MSRB3: variants seen among roughly 807,000 people sequenced by gnomAD.
MSRB3 encodes methionine sulfoxide reductase B3.
A neutral mutation model predicts 21.0 loss-of-function variants in MSRB3; 13 were observed. The observed-to-expected ratio is 0.62, with a 90% CI of 0.40 to 0.98. MSRB3 has a LOEUF of 0.98. Among genes scored for constraint, MSRB3 ranks in the 50% least tolerant of loss-of-function variants. The pLI, the probability that MSRB3 is intolerant of heterozygous loss-of-function variation, is 0.00. For synonymous variants in MSRB3, 87 were observed against 88.6 expected, an observed-to-expected ratio of 0.98 and a Z score of 0.10; for missense variants, 199 against 230.3, an observed-to-expected ratio of 0.86 and a Z score of 0.88.
intron 3 of MSRB3, among the ~76,000 whole-genome samples, chr12:65,327,975 T>C (rs1875161596): frequency 6.6e-6 from 1 of 152,252 alleles, no homozygotes; most frequent in Non-Finnish European, 1.5e-5. Context: ...ATAAAGAGGG[T>C]GAAAGGATAA....
At chr12:65,366,958 C>A (rs1396654152) in intron 4 of MSRB3, among the ~76,000 whole-genome samples, 1 of 151,944 alleles carries the variant, frequency 6.6e-6, no homozygotes, top group African/African-American at 2.4e-5. Context: ...CTCACCAATA[C>A]TTAAGGGACA....
intron 4 of MSRB3, among the ~76,000 whole-genome samples, chr12:65,351,923 A>G (rs896824632): frequency 9.2e-5 from 14 of 152,192 alleles, no homozygotes; most frequent in African/African-American, 3.4e-4. Flanking sequence ...AAACTATTCC[A>G]ATCTATAGAA....
chr12:65,308,421 C>A, intron 1 of MSRB3, 108 bp from the exon 2 acceptor site: 1 of 1,399,822 alleles, frequency 7.1e-7, no homozygotes, highest in Non-Finnish European at 9.8e-7. Context: ...GCAGTATGTG[C>A]ATGTGTTCAG....
chr12:65,328,678 G>A, intron 4 of MSRB3, 75 bp downstream of exon 4: 1 of 1,007,400 alleles, frequency 9.9e-7, no homozygotes, highest in South Asian at 1.3e-5. Context: ...TTTCATCTTA[G>A]AATCTTTCCA....
At chr12:65,365,906 C>T (rs1428058705) in intron 4 of MSRB3, among the ~76,000 whole-genome samples, 1 of 152,180 alleles carries the variant, frequency 6.6e-6, no homozygotes, top group Non-Finnish European at 1.5e-5. Flanking sequence ...GAAAGGCTCA[C>T]TCAGCCTTCT....
At position 65,445,791 on chromosome 12, in the gene MSRB3, A is replaced by C. The variant is rs1482745067; in HGVS notation, c.293-7937A>C. Among the ~76,000 whole-genome samples, 6 of 151,646 alleles carry C rather than the reference A, an allele frequency of 4.0e-5. No individual in the cohort carries two copies. The East Asian group carries it at 1.2e-3, about 30-fold the overall frequency. On this transcript the variant is annotated intron_variant, in intron 5 of 6. Coordinates refer to ENST00000308259, the MANE Select transcript of MSRB3 (RefSeq NM_001031679.3). The stretch of plus-strand genomic sequence containing the variant: ...CTCCAGGGTAGCTGGGACTAGAGGC[A>C]TGCACCACCATGCCCGGCTAATTTC...
intron 5 of MSRB3, among the ~76,000 whole-genome samples, chr12:65,452,235 TGA>T (rs1183846747): frequency 6.6e-6 from 1 of 152,170 alleles, no homozygotes; most frequent in African/African-American, 2.4e-5. Context: ...TGCAATTAAA[TGA>T]GTTATGCCCT....
chr12:65,341,490 A>C (rs1424344501), intron 4 of MSRB3, among the ~76,000 whole-genome samples: 1 of 151,714 alleles, frequency 6.6e-6, no homozygotes, highest in Non-Finnish European at 1.5e-5. Context: ...ACTAAATGAG[A>C]CCTAGAATTT....
intron 1 of MSRB3, among the ~76,000 whole-genome samples, chr12:65,307,503 T>C (rs1873728174): frequency 1.3e-5 from 2 of 152,156 alleles, no homozygotes; most frequent in Non-Finnish European, 2.9e-5. Flanking sequence ...AACAAGACAT[T>C]AATTTTATAT....
intron 5 of MSRB3, chr12:65,419,182 G>A: frequency 1.4e-6 from 1 of 699,942 alleles, no homozygotes; most frequent in South Asian, 1.5e-5. Context: ...GGTGACCACT[G>A]TGGTACTCTC....
In MSRB3 at chr12:65,458,181, C is replaced by A. The variant is rs550707854; in HGVS notation, c.390+4356C>A. Among the ~76,000 whole-genome samples, 27 of 152,250 alleles carry A rather than the reference C, an allele frequency of 1.8e-4. No homozygotes were observed. In the South Asian group the frequency reaches 5.0e-3, roughly 28 times the overall value. On this transcript the variant is annotated intron_variant, in intron 6 of 6. Coordinates refer to ENST00000308259, the MANE Select transcript of MSRB3 (RefSeq NM_001031679.3). The stretch of plus-strand genomic sequence containing the variant: ...AAAACCTGAATCAACTCAACCTGAT[C>A]AGCAGTTTGGCAATATGGCAATATT...
intron 1 of MSRB3, among the ~76,000 whole-genome samples, chr12:65,307,863 G>A (rs954566690): frequency 4.6e-5 from 7 of 151,944 alleles, no homozygotes; most frequent in African/African-American, 7.3e-5. Context: ...CGAACTTAAC[G>A]CTGTTTTGAA....
At chr12:65,416,700 A>G (rs893075386) in intron 5 of MSRB3, among the ~76,000 whole-genome samples, 1 of 152,234 alleles carries the variant, frequency 6.6e-6, no homozygotes, top group Non-Finnish European at 1.5e-5. Context: ...AGATGTCACT[A>G]GGTGTAGGAC....
chr12:65,278,831 C>T lies in MSRB3; in HGVS notation c.-86C>T, dbSNP rs1256309589. 2 of 1,568,094 alleles carry T rather than the reference C, an allele frequency of 1.3e-6. No homozygotes were observed. Among genetic ancestry groups the T allele is most frequent in the Admixed American group, 1.9e-5 (1 of 52,832 alleles). On this transcript the variant is annotated 5_prime_UTR_variant, in exon 1 of 7. Transcript: ENST00000308259. ...TCTGCCTCTCCCTCTGCCTCTGCCT[C>T]TGCCTGGCCGCGGCTCTGGGAAGTG...
chr12:65,293,320 T>C (rs1872764014), intron 1 of MSRB3, among the ~76,000 whole-genome samples: 1 of 152,218 alleles, frequency 6.6e-6, no homozygotes, highest in Non-Finnish European at 1.5e-5. Context: ...CTTTTTAGTT[T>C]GCAGATTTGA....
chr12:65,306,891 G>A lies in MSRB3; in HGVS notation c.-51-1638G>A, dbSNP rs750077940. The stretch of plus-strand genomic sequence containing the variant: ...GACATCACTGCCTCTCTTCCTGTGC[G>A]CTGGCTTTGACATAAGCCAGATGGC... On this transcript the variant is annotated intron_variant, in intron 1 of 6. Transcript: ENST00000308259. 13 of 985,838 alleles carry A rather than the reference G, an allele frequency of 1.3e-5. No individual in the cohort carries two copies. In the African/African-American group the frequency reaches 1.9e-4, roughly 15 times the overall value. The allele number at this position is 985,838 out of a possible 1,614,324, so 61.1% of individuals were successfully genotyped here.
chr12:65,455,965 G>A lies in MSRB3; in HGVS notation c.390+2140G>A, dbSNP rs570102600. On this transcript the variant is annotated intron_variant, in intron 6 of 6. Coordinates refer to ENST00000308259, the MANE Select transcript of MSRB3 (RefSeq NM_001031679.3). ...GTTGCCCCACTGGTCTTGAACTCCC[G>A]AGCTCAAGTGATCCACCTGCCTCAG... 4.6e-5 allele frequency among the ~76,000 whole-genome samples: 7 copies of A among 152,078 alleles called. No homozygotes were observed. The South Asian group carries it at 1.0e-3, about 23-fold the overall frequency.
intron 4 of MSRB3, among the ~76,000 whole-genome samples, chr12:65,346,078 A>G (rs1292129203): frequency 8.5e-5 from 13 of 152,250 alleles, no homozygotes; most frequent in East Asian, 1.9e-4. Context: ...AGCATGTTTT[A>G]TAATCCTTTG....
intron 5 of MSRB3, among the ~76,000 whole-genome samples, chr12:65,411,049 A>G (rs1160085234): frequency 2.0e-5 from 3 of 151,412 alleles, no homozygotes; most frequent in African/African-American, 4.9e-5. Context: ...TGTGTTGAAT[A>G]CTCTTTGTGT....
Sources: allele counts gnomAD v4.1 joint callset (sites outside exome capture counted in the v4.1 genomes callset), GRCh38; gene constraint gnomAD v4.1.1; transcripts MANE v1.5; gene names NCBI Gene and HGNC (gene_info 2026-07-23, HGNC 2026-07-21).